RANGAP1: variants seen among roughly 807,000 people sequenced by gnomAD.
RANGAP1 encodes ran GTPase-activating protein 1.
A neutral mutation model predicts 63.5 loss-of-function variants in RANGAP1; 38 were observed. The observed-to-expected ratio is 0.60, with a 90% CI of 0.46 to 0.78. The LOEUF (loss-of-function observed/expected upper bound fraction) is 0.78. Among genes scored for constraint, RANGAP1 ranks in the 30% least tolerant of loss-of-function variants. The pLI, the probability that RANGAP1 is intolerant of heterozygous loss-of-function variation, is 0.00. For synonymous variants in RANGAP1, 329 were observed against 310.5 expected (o/e 1.06, Z -0.63); for missense variants, 630 against 740.3 (o/e 0.85, Z 1.73).
chr22:41,256,593 G>C (rs1448177156), intron 8 of RANGAP1, 118 bp downstream of exon 8: 1 of 846,390 alleles, frequency 1.2e-6, no homozygotes, highest in African/African-American at 1.7e-5. Context: ...AGGGCCCGAA[G>C]TGGAGGAGCT....
At chr22:41,270,867 C>T (rs1369342326) in intron 3 of RANGAP1, among the ~76,000 whole-genome samples, 1 of 152,144 alleles carries the variant, frequency 6.6e-6, no homozygotes, top group African/African-American at 2.4e-5. Context: ...GGAGCCGGAG[C>T]GCCACAGTCC....
the RANGAP1 span, among the ~76,000 whole-genome samples, chr22:41,293,715 C>T: frequency 7.1e-6 from 1 of 140,914 alleles, no homozygotes; most frequent in African/African-American, 2.8e-5. Flanking sequence ...GGAGGCAGAG[C>T]TTGCAGTAAG....
rs1419093056 is a variant in RANGAP1, at chr22:41,268,267, T to C, written c.241-111A>G. The C allele has an allele frequency of 1.3e-5, 12 of 947,014 alleles. No individual in the cohort carries two copies. The South Asian group carries it at 1.3e-4, about 10-fold the overall frequency. The allele number at this position is 947,014 out of a possible 1,614,324, so 58.7% of individuals were successfully genotyped here. ...CAGAGCATCACAAGACTTTTTTCTT[T>C]TTTTTGAGACGGAGTTTCGCTCTTG... On this transcript the variant is annotated intron_variant, in intron 3 of 15. Transcript: ENST00000356244.
intron 3 of RANGAP1, among the ~76,000 whole-genome samples, chr22:41,271,077 G>A (rs1033325233): frequency 6.6e-6 from 1 of 152,210 alleles, no homozygotes. Context: ...GATCTCCCAC[G>A]AGAACAGCAA....
At chr22:41,298,963 T>C in the RANGAP1 span, among the ~76,000 whole-genome samples, 1 of 152,176 alleles carries the variant, frequency 6.6e-6, no homozygotes, top group African/African-American at 2.4e-5. Flanking sequence ...TCCTGGTTTA[T>C]AGATGGCTGC....
intron 10 of RANGAP1, 60 bp from the exon 11 acceptor site, chr22:41,254,554 G>C: frequency 2.6e-6 from 4 of 1,515,366 alleles, no homozygotes; most frequent in Non-Finnish European, 2.6e-6. Context: ...TTGGCTCTAA[G>C]GCCTGGCTCC....
chr22:41,279,854 T>C (rs1004054557), intron 2 of RANGAP1, among the ~76,000 whole-genome samples: 20 of 150,658 alleles, frequency 1.3e-4, no homozygotes, highest in African/African-American at 4.4e-4. Context: ...TCCGAACACT[T>C]TGGGAGGCCA....
At chr22:41,267,037 T>C (rs1348502285) in intron 4 of RANGAP1, among the ~76,000 whole-genome samples, 1 of 148,904 alleles carries the variant, frequency 6.7e-6, no homozygotes, top group Non-Finnish European at 1.5e-5. Flanking sequence ...GGTGCCACCA[T>C]GCCAGCTAAT....
Position 41,252,996 on chromosome 22 carries a change from G to A in RANGAP1, c.1261-5C>T. 1 of 1,473,232 alleles carries A rather than the reference G, an allele frequency of 6.8e-7. No homozygotes were observed. The highest frequency in any genetic ancestry group is 1.4e-5 in the South Asian group (1 of 72,042). 91.3% of individuals were successfully genotyped at this position (1,473,232 alleles called of 1,614,324 possible). ...GGACAGCACGGGAGCTGGCTCCTGG[G>A]AAGTAGGGGCACAGAGGCTCTGGAG... is the stretch of plus-strand genomic sequence containing the variant. On this transcript the variant is annotated splice_region_variant and splice_polypyrimidine_tract_variant and intron_variant, in intron 11 of 15. Transcript: ENST00000356244.
At position 41,246,656 on chromosome 22, in the gene RANGAP1, C is replaced by A; in HGVS notation, c.1711G>T (p.Glu571Ter). Residue 571 changes from glutamate (E) to a stop codon, truncating the protein, a stop_gained, in exon 16 of 16, where the codon GAA becomes TAA. Coordinates refer to ENST00000356244, the MANE Select transcript of RANGAP1 (RefSeq NM_002883.4). LOFTEE classifies it high-confidence loss of function. ...CTGTGGCGGGCGAAGGAGCAGGATT[C>A]CAGGGCGCTGTTGGGCCTGCGGGGA... ...AFVTKPNSALESCSFARHSLL... is the reference protein window; with the variant it reads ...AFVTKPNSAL 1 of 1,562,034 alleles carries A rather than the reference C, an allele frequency of 6.4e-7. No homozygotes were observed. Among genetic ancestry groups the A allele is most frequent in the Non-Finnish European group, 8.7e-7 (1 of 1,152,670 alleles).
In RANGAP1 at chr22:41,246,533, T is replaced by A. The variant is rs917349786; in HGVS notation, c.*70A>T. 2.1e-6 allele frequency: 3 copies of A among 1,447,474 alleles called. No homozygotes were observed. The highest frequency in any genetic ancestry group is 2.8e-6 in the Non-Finnish European group (3 of 1,054,416). The allele number at this position is 1,447,474 out of a possible 1,614,324, so 89.7% of individuals were successfully genotyped here. ...TCCTGTCCAAGGCAATGGCGTAGGC[T>A]GCGCCTCAGTTCATCCGAGTCCCTC... On this transcript the variant is annotated 3_prime_UTR_variant, in exon 16 of 16. Coordinates refer to ENST00000356244, the MANE Select transcript of RANGAP1 (RefSeq NM_002883.4).
intron 4 of RANGAP1, among the ~76,000 whole-genome samples, chr22:41,265,277 C>T (rs897717807): frequency 8.5e-5 from 13 of 152,136 alleles, no homozygotes; most frequent in African/African-American, 3.1e-4. Context: ...CAGGCAAGAG[C>T]CTTGAATGCC....
chr22:41,256,611 G>A, intron 8 of RANGAP1, 100 bp downstream of exon 8: 1 of 1,021,420 alleles, frequency 9.8e-7, no homozygotes, highest in Non-Finnish European at 1.5e-6. Context: ...GCTGGGATAT[G>A]GACACAGGCC....
chr22:41,299,281 C>T, the RANGAP1 span, among the ~76,000 whole-genome samples: 121 of 152,116 alleles, frequency 8.0e-4, 4 homozygotes, highest in South Asian at 0.02. Context: ...TACAGGCGCC[C>T]GCCACCATGC....
chr22:41,291,586 A>T, the RANGAP1 span, among the ~76,000 whole-genome samples: 2 of 95,126 alleles, frequency 2.1e-5, no homozygotes, highest in African/African-American at 8.6e-5. Context: ...CAACAGAGTG[A>T]GATCCATCTT....
chr22:41,286,443 C>G (rs558045027), upstream of RANGAP1, among the ~76,000 whole-genome samples: 1 of 152,250 alleles, frequency 6.6e-6, no homozygotes, highest in East Asian at 1.9e-4. Flanking sequence ...TCGCAGAGAC[C>G]GCAGGGAGGT....
chr22:41,262,414 T>A (rs2034224263), intron 5 of RANGAP1, among the ~76,000 whole-genome samples: 1 of 152,004 alleles, frequency 6.6e-6, no homozygotes, highest in South Asian at 2.1e-4. Context: ...ATCCTTGGCA[T>A]ATTTTCTTGT....
chr22:41,256,156 G>A, intron 9 of RANGAP1, 35 bp downstream of exon 9: 1 of 1,613,688 alleles, frequency 6.2e-7, no homozygotes, highest in Non-Finnish European at 8.5e-7. Flanking sequence ...GGCCAGCCTA[G>A]CAGACCTGTG....
chr22:41,283,098 T>C (rs1363559796), intron 1 of RANGAP1, among the ~76,000 whole-genome samples: 1 of 151,980 alleles, frequency 6.6e-6, no homozygotes, highest in Non-Finnish European at 1.5e-5. Context: ...CATTGATTAC[T>C]ACTGTGTGCT....
Sources: gnomAD v4.1 joint callset for allele counts (sites outside exome capture counted in the v4.1 genomes callset) on GRCh38, gnomAD v4.1.1 for gene constraint, MANE v1.5 for transcripts, NCBI Gene and HGNC (gene_info 2026-07-23, HGNC 2026-07-21) for gene names.